The following UGGT2 variants were observed in gnomAD, a reference collection of about 807,000 sequenced individuals.
The protein encoded by UGGT2 is UDP-glucose:glycoprotein glucosyltransferase 2.
In UGGT2, 180 loss-of-function variants were observed where a neutral mutation model predicts 192.1. The ratio of observed to expected loss-of-function variants is 0.94; its 90% CI spans 0.83 to 1.06. The LOEUF is 1.06. Ranked by LOEUF, UGGT2 falls within the 50% of genes least tolerant of loss-of-function variation. The pLI is 0.00. For missense variants in UGGT2, 1,849 were observed against 1,795.7 expected, an observed-to-expected ratio of 1.03 and a Z score of -0.54; for synonymous variants, 580 against 591.0, an observed-to-expected ratio of 0.98 and a Z score of 0.27.
At chr13:95,897,434 T>C (rs2047978009) in intron 22 of UGGT2, among the ~76,000 whole-genome samples, 1 of 152,162 alleles carries the variant, frequency 6.6e-6, no homozygotes, top group African/African-American at 2.4e-5. Flanking sequence ...ATATTAAATA[T>C]GTCAATTTTA....
At chr13:95,872,553 CA>C (rs1891311006) in intron 29 of UGGT2, among the ~76,000 whole-genome samples, 1 of 151,928 alleles carries the variant, frequency 6.6e-6, no homozygotes, top group African/African-American at 2.4e-5. Context: ...CTTTTTATTA[CA>C]CAGTAACATG....
At chr13:96,050,924 C>T (rs1245961613) in intron 1 of UGGT2, among the ~76,000 whole-genome samples, 19 of 152,150 alleles carry the variant, frequency 1.2e-4, no homozygotes, top group East Asian at 5.8e-4. Context: ...GACATTGTGG[C>T]GATTCCTCAA....
rs149618296 is a variant in UGGT2 at position 95,900,703 on chromosome 13, C to A, written c.2634+104G>T. ...GGTGTCTTCAGCTCATGAACACCGT[C>A]CTCTGTGTGTGTCAGTCACATCAGG... is the stretch of plus-strand genomic sequence containing the variant. On this transcript the variant is annotated intron_variant, in intron 22 of 38. Coordinates refer to ENST00000376747, the MANE Select transcript of UGGT2 (RefSeq NM_020121.4). The A allele has an allele frequency of 3.3e-4, 427 of 1,283,252 alleles. 3 individuals are homozygous for A. In the East Asian group the frequency reaches 0.011, roughly 32 times the overall value. 79.5% of individuals were successfully genotyped at this position (1,283,252 alleles called of 1,614,324 possible).
chr13:95,959,150 C>T (rs2050308488), intron 12 of UGGT2, among the ~76,000 whole-genome samples: 1 of 152,224 alleles, frequency 6.6e-6, no homozygotes, highest in Admixed American at 6.5e-5. Flanking sequence ...CCTGCTAGGG[C>T]CAAGGCAGAA....
chr13:95,925,303 A>C (rs1242570540), intron 20 of UGGT2, among the ~76,000 whole-genome samples: 4 of 152,176 alleles, frequency 2.6e-5, no homozygotes, highest in African/African-American at 7.2e-5. Context: ...GGGAAAGAAA[A>C]TGCTGCTTAA....
At chr13:96,043,654 G>A (rs2053226818) in intron 1 of UGGT2, among the ~76,000 whole-genome samples, 1 of 151,934 alleles carries the variant, frequency 6.6e-6, no homozygotes, top group South Asian at 2.1e-4. Context: ...ATAAACTTAA[G>A]GTAAAGGGGT....
rs940700167 is a variant in UGGT2 at position 95,918,430 on chromosome 13, A to T, written c.2295+7250T>A. Among the ~76,000 whole-genome samples, 3 of 152,202 alleles carry T rather than the reference A, an allele frequency of 2.0e-5. No homozygotes were observed. In the East Asian group the frequency reaches 5.8e-4, roughly 29 times the overall value. On this transcript the variant is annotated intron_variant, in intron 20 of 38. Transcript: ENST00000376747. ...TAAATGCCCACATCAAAACGCTAGA[A>T]AGATCTCAAGTTAACAACCTAACAT...
chr13:96,041,069 A>C (rs1353015173), intron 1 of UGGT2, among the ~76,000 whole-genome samples: 1 of 152,180 alleles, frequency 6.6e-6, no homozygotes, highest in African/African-American at 2.4e-5. Context: ...TTGCTCCAGA[A>C]CTGCTGCAGG....
In UGGT2 at chr13:95,970,194, TC is replaced by T; in HGVS notation, c.1252del (p.Glu418LysfsTer3). 6.2e-7 allele frequency: 1 copy of T among 1,613,100 alleles called. No individual in the cohort carries two copies. Among genetic ancestry groups the T allele is most frequent in the East Asian group, 2.2e-5 (1 of 44,800 alleles). ...NGLRNLGING[E>X]DMSKFLKLNS... ...TAATTTTAAAAATTTGCTCATATCT[TC>T]CCCATTGATCCCAAGATTGCGAAGG... On this transcript the variant is annotated frameshift_variant, in exon 12 of 39. Transcript: ENST00000376747. LOFTEE classifies it high-confidence loss of function.
At position 95,860,813 on chromosome 13, in the gene UGGT2, C is replaced by G; in HGVS notation, c.3715G>C (p.Gly1239Arg). ...CTTAAAAAACGTTCATATAAATGAC[C>G]AGAAGCAACTGAAAAAATGTTTAGG... ...DVLNIFSVASGHLYERFLRIM... is the reference protein window; with the variant it reads ...DVLNIFSVASRHLYERFLRIM... The change falls in exon 32 of 39, where the codon GGT (glycine) becomes CGT (arginine). Residue 1239 changes from glycine to arginine, a missense_variant. Coordinates refer to ENST00000376747, the MANE Select transcript of UGGT2 (RefSeq NM_020121.4). 1 of 1,552,084 alleles carries G rather than the reference C, an allele frequency of 6.4e-7. No homozygotes were observed. Among genetic ancestry groups the G allele is most frequent in the Non-Finnish European group, 8.7e-7 (1 of 1,149,904 alleles).
chr13:96,043,858 T>C (rs971186302), intron 1 of UGGT2, among the ~76,000 whole-genome samples: 3 of 152,114 alleles, frequency 2.0e-5, no homozygotes, highest in Non-Finnish European at 4.4e-5. Context: ...TTCCCAAATT[T>C]ATAAAACAAT....
intron 37 of UGGT2, among the ~76,000 whole-genome samples, chr13:95,834,573 G>A (rs1351251299): frequency 6.6e-6 from 1 of 152,046 alleles, no homozygotes; most frequent in Non-Finnish European, 1.5e-5. Flanking sequence ...TCTTCTGTTA[G>A]GCCATTTCCT....
chr13:95,822,841 T>C (rs1208295069), intron 38 of UGGT2, among the ~76,000 whole-genome samples: 1 of 152,076 alleles, frequency 6.6e-6, no homozygotes, highest in Non-Finnish European at 1.5e-5. Context: ...TTTCAATGGC[T>C]TTGGGTTTAG....
rs1276953741 is a variant in UGGT2 at position 95,996,147 on chromosome 13, A to G, written c.758-12T>C. 2.5e-6 allele frequency: 4 copies of G among 1,595,010 alleles called. No individual in the cohort carries two copies. The highest frequency in any genetic ancestry group is 2.6e-6 in the Non-Finnish European group (3 of 1,173,390). On this transcript the variant is annotated splice_polypyrimidine_tract_variant and intron_variant, in intron 6 of 38. Coordinates refer to ENST00000376747, the MANE Select transcript of UGGT2 (RefSeq NM_020121.4). The stretch of plus-strand genomic sequence containing the variant: ...AGTATTAGTCACAGCTACATTTTGG[A>G]AACAAAACCAAAAAACAACAAAAAT...
At chr13:96,041,822 T>C (rs2053172878) in intron 1 of UGGT2, among the ~76,000 whole-genome samples, 1 of 152,048 alleles carries the variant, frequency 6.6e-6, no homozygotes, top group South Asian at 2.1e-4. Flanking sequence ...TATAACTCCA[T>C]TGACCTAGGA....
At chr13:95,852,255 A>G (rs1889125027) in intron 36 of UGGT2, among the ~76,000 whole-genome samples, 1 of 151,996 alleles carries the variant, frequency 6.6e-6, no homozygotes, top group African/African-American at 2.4e-5. Flanking sequence ...CTTTATCCCA[A>G]CCATACTGAC....
chr13:95,912,351 C>G (rs1353632437), intron 20 of UGGT2, among the ~76,000 whole-genome samples: 2 of 152,076 alleles, frequency 1.3e-5, no homozygotes, highest in Non-Finnish European at 2.9e-5. Flanking sequence ...TCGTCTGAAC[C>G]CAAAATATCC....
chr13:95,819,870 G>T (rs905249767), intron 38 of UGGT2, among the ~76,000 whole-genome samples: 2 of 152,100 alleles, frequency 1.3e-5, no homozygotes, highest in African/African-American at 4.8e-5. Flanking sequence ...AATAAGGAAC[G>T]AAATAGGCCG....
chr13:95,867,272 T>A, intron 30 of UGGT2, 67 bp downstream of exon 30: 1 of 1,325,110 alleles, frequency 7.5e-7, no homozygotes, highest in Non-Finnish European at 1.0e-6. Context: ...ATCAATTAAT[T>A]AAAAAACAAA....
Sources: allele counts gnomAD v4.1 joint callset (sites outside exome capture counted in the v4.1 genomes callset), GRCh38; gene constraint gnomAD v4.1.1; transcripts MANE v1.5; gene names NCBI Gene and HGNC (gene_info 2026-07-23, HGNC 2026-07-21).